The following SLC35F6 variants were observed in gnomAD, a reference collection of about 807,000 sequenced individuals.
The protein encoded by SLC35F6 is solute carrier family 35 member F6.
SLC35F6 carries 26 observed loss-of-function variants against 29.4 expected under a neutral mutation model. The ratio of observed to expected loss-of-function variants is 0.89; its 90% CI spans 0.65 to 1.23. The LOEUF is 1.23. SLC35F6 is among the 50% of genes most tolerant of loss of function. The pLI, the probability that SLC35F6 is intolerant of heterozygous loss-of-function variation, is 0.00. For missense variants in SLC35F6, 428 were observed against 487.8 expected (o/e 0.88, Z 1.15); for synonymous variants, 174 against 206.6 (o/e 0.84, Z 1.35).
chr2:26,767,516 C>A (rs1664116651), intron 1 of SLC35F6, among the ~76,000 whole-genome samples: 1 of 152,204 alleles, frequency 6.6e-6, no homozygotes, highest in African/African-American at 2.4e-5. Context: ...CGGCCCCATC[C>A]CTGGGTCCTG....
Position 26,778,670 on chromosome 2 carries a change from C to T in SLC35F6, c.*159C>T, listed in dbSNP as rs963038503. ...CTGCTGCCACAGAAGATAACAACACCCAAGTCCTCTTTTTCTCACTACCAC... is the reference window on the plus strand; with the variant it reads ...CTGCTGCCACAGAAGATAACAACACTCAAGTCCTCTTTTTCTCACTACCAC... On this transcript the variant is annotated 3_prime_UTR_variant, in exon 6 of 6. Coordinates refer to ENST00000344420, the MANE Select transcript of SLC35F6 (RefSeq NM_017877.4). The T allele has an allele frequency of 1.7e-5, 12 of 690,476 alleles. No individual in the cohort carries two copies. The African/African-American group carries it at 1.8e-4, about 10-fold the overall frequency. 42.8% of individuals were successfully genotyped at this position (690,476 alleles called of 1,614,324 possible). A position where few individuals can be genotyped will look rare whatever the true frequency, so the allele number is the denominator to read the frequency against.
At position 26,777,890 on chromosome 2, in the gene SLC35F6, C is replaced by A. The variant is rs1355983720; in HGVS notation, c.647-152C>A. ...TAGAACCCATCTAATAGGCCACAAGCTCCTGATGAGAGACTGAGGGACGTG... is the reference window on the plus strand; with the variant it reads ...TAGAACCCATCTAATAGGCCACAAGATCCTGATGAGAGACTGAGGGACGTG... On this transcript the variant is annotated intron_variant, in intron 5 of 5. Transcript: ENST00000344420. 8.7e-6 allele frequency: 6 copies of A among 692,928 alleles called. No individual in the cohort carries two copies. The Admixed American group carries it at 1.7e-4, about 20-fold the overall frequency. 42.9% of individuals were successfully genotyped at this position (692,928 alleles called of 1,614,324 possible). A position where few individuals can be genotyped will look rare whatever the true frequency, so the allele number is the denominator to read the frequency against.
intron 1 of SLC35F6, chr2:26,764,976 T>A (rs1045736108): frequency 1.3e-5 from 13 of 985,354 alleles, no homozygotes; most frequent in African/African-American, 5.2e-5. Context: ...CAAAGTCGAT[T>A]GTAACCAGCA....
chr2:26,771,737 G>A (rs1664199457), intron 1 of SLC35F6, among the ~76,000 whole-genome samples: 1 of 152,154 alleles, frequency 6.6e-6, no homozygotes, highest in East Asian at 1.9e-4. Flanking sequence ...GGAGGCTGAG[G>A]CGGGAGGATT....
chr2:26,776,339 C>T (rs1282909002), intron 4 of SLC35F6, 33 bp from the exon 5 acceptor site: 1 of 1,604,740 alleles, frequency 6.2e-7, no homozygotes, highest in Non-Finnish European at 8.5e-7. Context: ...CCAGTGCAGC[C>T]CTGTTCTCAT....
At chr2:26,777,237 G>A (rs1304088589) in intron 5 of SLC35F6, among the ~76,000 whole-genome samples, 2 of 152,160 alleles carry the variant, frequency 1.3e-5, no homozygotes, top group Non-Finnish European at 2.9e-5. Flanking sequence ...GTTTGATGTT[G>A]GGGAAATAAT....
rs187626078 is a variant in SLC35F6, at chr2:26,778,185, G to A, written c.790G>A (p.Val264Met). ...GGTGGGCCAGCAGCCGCTCATTGCC[G>A]TGGCACTGCTGGGCAACATCAGCAG... ...CQVGQQPLIA[V>M]ALLGNISSIA... Residue 264 changes from valine to methionine, a missense_variant, in exon 6 of 6, where the codon GTG becomes ATG. Val to Met is a conservative substitution (Grantham distance 21). Transcript: ENST00000344420. The A allele has an allele frequency of 1.6e-4, 255 of 1,614,166 alleles. No individual in the cohort carries two copies. Among genetic ancestry groups the A allele is most frequent in the Middle Eastern group, 8.2e-4 (5 of 6,062 alleles).
intron 1 of SLC35F6, among the ~76,000 whole-genome samples, chr2:26,770,075 G>T (rs1664166170): frequency 6.6e-6 from 1 of 152,126 alleles, no homozygotes; most frequent in African/African-American, 2.4e-5. Context: ...GGCTTAACGG[G>T]ACAGTCCCCA....
chr2:26,778,587 C>T lies in SLC35F6; in HGVS notation c.*76C>T, dbSNP rs905731798. 3.0e-5 allele frequency: 41 copies of T among 1,387,640 alleles called. No homozygotes were observed. Among genetic ancestry groups the T allele is most frequent in the Non-Finnish European group, 3.7e-5 (39 of 1,045,456 alleles). The allele number at this position is 1,387,640 out of a possible 1,614,324, so 86.0% of individuals were successfully genotyped here. On this transcript the variant is annotated 3_prime_UTR_variant, in exon 6 of 6. Transcript: ENST00000344420. The stretch of plus-strand genomic sequence containing the variant: ...TGAGGCCACACAGGCTGGTGGGCCC[C>T]GAATGCCCTATCCCCAAGGCCTCAC...
chr2:26,775,434 G>A lies in SLC35F6; in HGVS notation c.323-30G>A, dbSNP rs1664280431. ...TGACAGATGGCCTTCGCCTTGGGAAGCTAACTGTAATTTGTTTCTCCTTTC... is the reference window on the plus strand; with the variant it reads ...TGACAGATGGCCTTCGCCTTGGGAAACTAACTGTAATTTGTTTCTCCTTTC... On this transcript the variant is annotated intron_variant, in intron 3 of 5. Transcript: ENST00000344420. The surrounding 1 kb of genome is among the most constrained non-coding windows in gnomAD (Gnocchi z 4.6). The A allele has an allele frequency of 1.2e-6, 2 of 1,605,794 alleles. No individual in the cohort carries two copies. The highest frequency in any genetic ancestry group is 1.3e-5 in the African/African-American group (1 of 74,730).
chr2:26,773,762 A>G lies in SLC35F6; in HGVS notation c.78-489A>G, dbSNP rs528593449. Among the ~76,000 whole-genome samples, 211 of 151,664 alleles carry G rather than the reference A, an allele frequency of 1.4e-3. 2 individuals carry two copies. The highest frequency in any genetic ancestry group is 2.9e-4 in the Non-Finnish European group (20 of 67,906). ...TGAGTAGCTGGGATTACAGGCTTGT[A>G]CCACCACGCCCGGCTAATTTTTGTA... On this transcript the variant is annotated intron_variant, in intron 1 of 5. Transcript: ENST00000344420.
chr2:26,766,241 C>T (rs1664093923), intron 1 of SLC35F6, among the ~76,000 whole-genome samples: 1 of 152,180 alleles, frequency 6.6e-6, no homozygotes, highest in South Asian at 2.1e-4. Context: ...AGAAGGGATA[C>T]TCTTAGGGAG....
At chr2:26,768,681 C>G (rs1664138445) in intron 1 of SLC35F6, among the ~76,000 whole-genome samples, 1 of 136,830 alleles carries the variant, frequency 7.3e-6, no homozygotes, top group African/African-American at 2.8e-5. Context: ...TTTTAAGACA[C>G]GGTCTCTCTC....
chr2:26,778,608 C>T lies in SLC35F6; in HGVS notation c.*97C>T. On this transcript the variant is annotated 3_prime_UTR_variant, in exon 6 of 6. Coordinates refer to ENST00000344420, the MANE Select transcript of SLC35F6 (RefSeq NM_017877.4). ...GCCCCGAATGCCCTATCCCCAAGGC[C>T]TCACCCTGTCCCCTCCCTGCAGAAC... 1.7e-6 allele frequency: 2 copies of T among 1,197,110 alleles called. No individual in the cohort carries two copies. The highest frequency in any genetic ancestry group is 1.1e-6 in the Non-Finnish European group (1 of 879,234). 74.2% of individuals were successfully genotyped at this position (1,197,110 alleles called of 1,614,324 possible).
intron 1 of SLC35F6, among the ~76,000 whole-genome samples, chr2:26,769,424 G>A (rs921771736): frequency 5.9e-5 from 9 of 152,230 alleles, no homozygotes; most frequent in African/African-American, 1.9e-4. Flanking sequence ...CCACCTACTG[G>A]GCTGCCCCTC....
rs1160799306 is a variant in SLC35F6 at position 26,778,590 on chromosome 2, A to G, written c.*79A>G. 6.5e-6 allele frequency: 9 copies of G among 1,377,360 alleles called. No individual in the cohort carries two copies. In the South Asian group the frequency reaches 1.0e-4, roughly 15 times the overall value. The allele number at this position is 1,377,360 out of a possible 1,614,324, so 85.3% of individuals were successfully genotyped here. ...GGCCACACAGGCTGGTGGGCCCCGA[A>G]TGCCCTATCCCCAAGGCCTCACCCT... On this transcript the variant is annotated 3_prime_UTR_variant, in exon 6 of 6. Transcript: ENST00000344420.
chr2:26,776,465 G>A lies in SLC35F6; in HGVS notation c.629G>A (p.Arg210Gln), dbSNP rs999986156. Reference sequence around the variant, plus strand: ...TACAAACACAATGTGCACCCACTGCGGGCAGTTGGCACTGAGGGTGTGTGT... The same window carrying A: ...TACAAACACAATGTGCACCCACTGCAGGCAGTTGGCACTGAGGGTGTGTGT... ...FVYKHNVHPL[R>Q]AVGTEGLFGF... Residue 210 changes from arginine (R) to glutamine (Q), a missense_variant, in exon 5 of 6, where the codon CGG becomes CAG. Arg to Gln is a conservative substitution (Grantham distance 43). Transcript: ENST00000344420. The A allele has an allele frequency of 6.8e-6, 11 of 1,614,070 alleles. No homozygotes were observed. The highest frequency in any genetic ancestry group is 1.6e-4 in the Middle Eastern group (1 of 6,084).
intron 1 of SLC35F6, among the ~76,000 whole-genome samples, chr2:26,769,275 C>T (rs997396728): frequency 6.6e-6 from 1 of 152,218 alleles, no homozygotes; most frequent in Non-Finnish European, 1.5e-5. Context: ...GGGAGTGACT[C>T]ACCACCCAGC....
At chr2:26,773,987 G>A (rs1295404721) in intron 1 of SLC35F6, among the ~76,000 whole-genome samples, 1 of 152,202 alleles carries the variant, frequency 6.6e-6, no homozygotes, top group Non-Finnish European at 1.5e-5. Context: ...GAGTGTAAAT[G>A]ATACCTCACG....
Sources: allele counts gnomAD v4.1 joint callset (sites outside exome capture counted in the v4.1 genomes callset), GRCh38; gene constraint gnomAD v4.1.1; non-coding constraint Gnocchi (gnomAD v3.1); transcripts MANE v1.5; gene names NCBI Gene and HGNC (gene_info 2026-07-23, HGNC 2026-07-21).